MAP7: variants seen among roughly 807,000 people sequenced by gnomAD.
MAP7 encodes ensconsin.
In MAP7, 52 loss-of-function variants were observed where a neutral mutation model predicts 94.8. That is an observed-to-expected ratio of 0.55 (90% CI 0.44 to 0.69). The LOEUF is 0.69. MAP7 is among the 30% of genes least tolerant of loss of function. MAP7 has a pLI of 0.00. For synonymous variants in MAP7, 350 were observed against 357.0 expected (o/e 0.98, Z 0.22); for missense variants, 940 against 964.6 (o/e 0.97, Z 0.34).
intron 3 of MAP7, among the ~76,000 whole-genome samples, chr6:136,394,262 C>T (rs1562349128): frequency 6.6e-6 from 1 of 152,222 alleles, no homozygotes; most frequent in South Asian, 2.1e-4. Flanking sequence ...GGATTACAGG[C>T]GTGAGCCACC....
chr6:136,431,964 C>T (rs1163346159), intron 1 of MAP7, among the ~76,000 whole-genome samples: 1 of 152,162 alleles, frequency 6.6e-6, no homozygotes, highest in Non-Finnish European at 1.5e-5. Flanking sequence ...TTGCTCTACA[C>T]CTCTCCTTTT....
rs548537934 is a variant in MAP7 at position 136,353,584 on chromosome 6, C to T, written c.2015+3108G>A. Among the ~76,000 whole-genome samples, 14 of 152,226 alleles carry T rather than the reference C, an allele frequency of 9.2e-5. No homozygotes were observed. In the South Asian group the frequency reaches 1.2e-3, roughly 14 times the overall value. On this transcript the variant is annotated intron_variant, in intron 16 of 17. Transcript: ENST00000354570. ...TATTTATTTTTTTGAGACAGGGTCT[C>T]GCTCTGTCACTCAGGTTGGAGTGCA...
Position 136,359,976 on chromosome 6 carries a change from A to C in MAP7, c.1854+5T>G, listed in dbSNP as rs1252908295. The C allele has an allele frequency of 6.2e-7, 1 of 1,613,442 alleles. No individual in the cohort carries two copies. Among genetic ancestry groups the C allele is most frequent in the Admixed American group, 1.7e-5 (1 of 59,914 alleles). On this transcript the variant is annotated splice_donor_5th_base_variant and intron_variant, in intron 14 of 17. Transcript: ENST00000354570. ...AAAGTAGTTAGAAAACGGCCATGTCAATACCTTATCTGTAGCTTCTGTTCT... is the reference window on the plus strand; with the variant it reads ...AAAGTAGTTAGAAAACGGCCATGTCCATACCTTATCTGTAGCTTCTGTTCT...
intron 6 of MAP7, among the ~76,000 whole-genome samples, chr6:136,382,446 A>G (rs1056836743): frequency 6.6e-6 from 1 of 152,234 alleles, no homozygotes; most frequent in Non-Finnish European, 1.5e-5. Context: ...TAACATTCAC[A>G]TGCTATATTT....
At chr6:136,369,411 T>C (rs1795064495) in intron 8 of MAP7, among the ~76,000 whole-genome samples, 2 of 152,078 alleles carry the variant, frequency 1.3e-5, no homozygotes, top group Non-Finnish European at 2.9e-5. Flanking sequence ...CTCTCTCTAC[T>C]AAAAATACAA....
At chr6:136,545,758 A>ATTTT (rs67108177) in intron 1 of MAP7, among the ~76,000 whole-genome samples, 36,349 of 151,692 alleles carry the variant, frequency 0.24, 5,214 homozygotes, top group African/African-American at 0.39. Context: ...ATTAAAACAA[A>ATTTT]TTTAATTTTT....
chr6:136,514,339 C>G (rs1014545549), intron 1 of MAP7, among the ~76,000 whole-genome samples: 1 of 152,112 alleles, frequency 6.6e-6, no homozygotes, highest in Non-Finnish European at 1.5e-5. Flanking sequence ...AATCCCAGCA[C>G]GTTGGGAGGC....
chr6:136,440,891 T>C (rs1294100879), intron 1 of MAP7, among the ~76,000 whole-genome samples: 2 of 151,822 alleles, frequency 1.3e-5, no homozygotes, highest in African/African-American at 4.8e-5. Flanking sequence ...TCTATCCTAC[T>C]CTCTACTTAG....
chr6:136,350,064 T>C (rs893940592), intron 16 of MAP7, among the ~76,000 whole-genome samples: 1 of 152,168 alleles, frequency 6.6e-6, no homozygotes, highest in East Asian at 1.9e-4. Flanking sequence ...AAGTGATACT[T>C]CTCTCTCAAT....
chr6:136,449,079 C>T (rs969268653), intron 1 of MAP7, among the ~76,000 whole-genome samples: 3 of 151,034 alleles, frequency 2.0e-5, no homozygotes, highest in Non-Finnish European at 4.4e-5. Flanking sequence ...GAGGCCGAGG[C>T]GGGCGGATCA....
intron 3 of MAP7, among the ~76,000 whole-genome samples, chr6:136,411,245 G>A (rs1444110263): frequency 6.6e-6 from 1 of 152,162 alleles, no homozygotes; most frequent in Non-Finnish European, 1.5e-5. Context: ...AAGTTCAATG[G>A]CAGCATTATT....
intron 1 of MAP7, among the ~76,000 whole-genome samples, chr6:136,472,459 C>T (rs967834095): frequency 1.3e-5 from 2 of 152,170 alleles, no homozygotes; most frequent in African/African-American, 2.4e-5. Flanking sequence ...GGAACAAAAA[C>T]ACATTATCCA....
At chr6:136,436,344 C>T (rs1796367624) in intron 1 of MAP7, among the ~76,000 whole-genome samples, 1 of 151,692 alleles carries the variant, frequency 6.6e-6, no homozygotes. Flanking sequence ...CTACTTATGC[C>T]TGAAAAAGTT....
At chr6:136,380,617 T>G (rs921594829) in intron 6 of MAP7, among the ~76,000 whole-genome samples, 1 of 152,228 alleles carries the variant, frequency 6.6e-6, no homozygotes, top group Non-Finnish European at 1.5e-5. Context: ...TGAGAAAAAG[T>G]TGGTTAAGCA....
intron 8 of MAP7, among the ~76,000 whole-genome samples, chr6:136,370,629 C>A (rs1354462041): frequency 6.6e-6 from 1 of 152,042 alleles, no homozygotes; most frequent in Non-Finnish European, 1.5e-5. Flanking sequence ...ACCTTGAGGA[C>A]ATTATGCTAA....
Position 136,396,915 on chromosome 6 carries a change from G to A in MAP7, c.245-7398C>T, listed in dbSNP as rs190270145. Among the ~76,000 whole-genome samples, 1,150 of 152,240 alleles carry A rather than the reference G, an allele frequency of 7.6e-3. 20 individuals are homozygous for A. Among genetic ancestry groups the A allele is most frequent in the East Asian group, 0.039 (201 of 5,182 alleles). The stretch of plus-strand genomic sequence containing the variant: ...TATAATTTCAGTTTAGAAAATTAAA[G>A]GTAGTTCTTAAGGTTGTGCTATAAA... On this transcript the variant is annotated intron_variant, in intron 3 of 17. Coordinates refer to ENST00000354570, the MANE Select transcript of MAP7 (RefSeq NM_003980.6).
At chr6:136,389,604 G>T in intron 3 of MAP7, 87 bp from the exon 4 acceptor site, 1 of 1,247,890 alleles carries the variant, frequency 8.0e-7, no homozygotes, top group Non-Finnish European at 1.1e-6. Context: ...GTATTAAGTG[G>T]TCTACAATGA....
chr6:136,351,948 C>G (rs1232002417), intron 16 of MAP7, among the ~76,000 whole-genome samples: 2 of 152,294 alleles, frequency 1.3e-5, no homozygotes, highest in Middle Eastern at 3.4e-3. Flanking sequence ...CCAGCACCCC[C>G]ACTGGGGCAG....
At chr6:136,484,626 G>A (rs1814030041) in intron 1 of MAP7, among the ~76,000 whole-genome samples, 1 of 152,148 alleles carries the variant, frequency 6.6e-6, no homozygotes, top group South Asian at 2.1e-4. Flanking sequence ...ATAGATATTT[G>A]TTCAGTGATT....
Sources: allele counts gnomAD v4.1 joint callset (sites outside exome capture counted in the v4.1 genomes callset), GRCh38; gene constraint gnomAD v4.1.1; transcripts MANE v1.5; gene names NCBI Gene and HGNC (gene_info 2026-07-23, HGNC 2026-07-21).